ANKS6: variants seen among roughly 807,000 people sequenced by gnomAD.
ANKS6 encodes ankyrin repeat and sterile alpha motif domain containing 6, also known as ankyrin repeat and SAM domain-containing protein 6.
A neutral mutation model predicts 77.9 loss-of-function variants in ANKS6; 47 were observed. The ratio of observed to expected loss-of-function variants is 0.60; its 90% CI spans 0.48 to 0.77. ANKS6 has a LOEUF of 0.77. ANKS6 is among the 30% of genes least tolerant of loss of function. ANKS6 has a pLI of 0.00. For missense variants in ANKS6, 1,150 were observed against 1,159.1 expected, an observed-to-expected ratio of 0.99 and a Z score of 0.11; for synonymous variants, 488 against 501.7, an observed-to-expected ratio of 0.97 and a Z score of 0.37.
At chr9:98,745,939 G>T (rs1832104878) in intron 13 of ANKS6, 1 of 437,666 alleles carries the variant, frequency 2.3e-6, no homozygotes, top group South Asian at 3.0e-5. Flanking sequence ...AGAAAAATCT[G>T]GGATAGTCAT....
At chr9:98,742,091 G>A (rs543467219) in intron 14 of ANKS6, among the ~76,000 whole-genome samples, 21 of 152,258 alleles carry the variant, frequency 1.4e-4, no homozygotes, top group South Asian at 4.2e-4. Flanking sequence ...AAGACACTGC[G>A]GGCAAGGAAA....
At chr9:98,782,641 C>T in intron 4 of ANKS6, 68 bp from the exon 5 acceptor site, 2 of 1,226,058 alleles carry the variant, frequency 1.6e-6, no homozygotes, top group Non-Finnish European at 2.4e-6. Context: ...GGCAACAAAA[C>T]CAACATTAAC....
chr9:98,768,158 GGCTTGACCGAT>G lies in ANKS6; in HGVS notation c.2054_2064del (p.His685ProfsTer12), dbSNP rs587777024. ...CTGGACCCCGGTGCTGGCCCCACAG[GGCTTGACCGAT>G]GGCTGGGTTTCTGCTCCAATAATCC... On this transcript the variant is annotated frameshift_variant, in exon 11 of 15. Transcript: ENST00000353234. LOFTEE classifies it high-confidence loss of function. 6.2e-7 allele frequency: 1 copy of G among 1,614,014 alleles called. No homozygotes were observed. The highest frequency in any genetic ancestry group is 8.5e-7 in the Non-Finnish European group (1 of 1,180,026).
intron 14 of ANKS6, among the ~76,000 whole-genome samples, chr9:98,739,774 T>TTTTTTTTTTTTTTTTTGACG (rs71369574): frequency 7.7e-6 from 1 of 129,604 alleles, no homozygotes; most frequent in African/African-American, 3.1e-5. Context: ...TTTTTTTTTT[T>TTTTTTTTTTTTTTTTTGACG]GAGACGGAGT....
In ANKS6 at chr9:98,782,463, C is replaced by T; in HGVS notation, c.1219+4G>A. 6.2e-7 allele frequency: 1 copy of T among 1,613,036 alleles called. No individual in the cohort carries two copies. On this transcript the variant is annotated splice_donor_region_variant and intron_variant, in intron 5 of 14. Coordinates refer to ENST00000353234, the MANE Select transcript of ANKS6 (RefSeq NM_173551.5). Reference sequence around the variant, plus strand: ...TTTACAACCCTTTTCTTGAAATTACCTACCGGGATCATTCAGCAGCATCAC... The same window carrying T: ...TTTACAACCCTTTTCTTGAAATTACTTACCGGGATCATTCAGCAGCATCAC...
chr9:98,755,474 T>C (rs1832651224), intron 12 of ANKS6, among the ~76,000 whole-genome samples: 1 of 152,216 alleles, frequency 6.6e-6, no homozygotes, highest in South Asian at 2.1e-4. Flanking sequence ...GCAAAGCCTC[T>C]GCTCCTGCCC....
Position 98,757,191 on chromosome 9 carries a change from T to C in ANKS6, c.2143-588A>G, listed in dbSNP as rs376290493. Among the ~76,000 whole-genome samples, 17 of 152,324 alleles carry C rather than the reference T, an allele frequency of 1.1e-4. No homozygotes were observed. The East Asian group carries it at 3.3e-3, about 29-fold the overall frequency. The stretch of plus-strand genomic sequence containing the variant: ...TATTAATATCTACATCGTCACAGTA[T>C]AATGATCAAAACTAACAAGCTGACA... On this transcript the variant is annotated intron_variant, in intron 11 of 14. Coordinates refer to ENST00000353234, the MANE Select transcript of ANKS6 (RefSeq NM_173551.5).
chr9:98,739,945 C>T (rs960269201), intron 14 of ANKS6, among the ~76,000 whole-genome samples: 17 of 151,752 alleles, frequency 1.1e-4, no homozygotes, highest in South Asian at 1.0e-3. Flanking sequence ...TTAGTAGAGA[C>T]GGGGTTTCAC....
intron 1 of ANKS6, among the ~76,000 whole-genome samples, chr9:98,795,083 G>A (rs947636444): frequency 1.3e-5 from 2 of 152,074 alleles, no homozygotes; most frequent in African/African-American, 4.8e-5. Context: ...CAGATCTCTA[G>A]ATGCCATCCT....
chr9:98,793,188 C>T (rs1477942982), intron 1 of ANKS6, among the ~76,000 whole-genome samples: 1 of 152,174 alleles, frequency 6.6e-6, no homozygotes, highest in Non-Finnish European at 1.5e-5. Flanking sequence ...CACTATGCAA[C>T]CCTGTCCCTT....
intron 14 of ANKS6, among the ~76,000 whole-genome samples, chr9:98,742,725 C>T (rs1831905971): frequency 6.7e-6 from 1 of 150,262 alleles, no homozygotes; most frequent in Non-Finnish European, 1.5e-5. Flanking sequence ...ACCTGGGCCT[C>T]TTGGTTGTGA....
intron 12 of ANKS6, among the ~76,000 whole-genome samples, chr9:98,751,724 C>T (rs949352073): frequency 1.3e-5 from 2 of 152,162 alleles, no homozygotes; most frequent in African/African-American, 4.8e-5. Context: ...TTTACTCACA[C>T]ATTCAATAGG....
intron 13 of ANKS6, among the ~76,000 whole-genome samples, chr9:98,748,523 T>C (rs1307365219): frequency 6.6e-6 from 1 of 152,218 alleles, no homozygotes. Context: ...TGAGATATAA[T>C]AAAGACTGTG....
intron 7 of ANKS6, among the ~76,000 whole-genome samples, chr9:98,777,717 C>G (rs1833995665): frequency 2.0e-5 from 3 of 152,138 alleles, no homozygotes. Flanking sequence ...GACAGTGGTG[C>G]CAAAGTAGCT....
chr9:98,740,946 TA>T (rs1831795417), intron 14 of ANKS6, among the ~76,000 whole-genome samples: 1 of 152,182 alleles, frequency 6.6e-6, no homozygotes, highest in African/African-American at 2.4e-5. Flanking sequence ...GTGAAACGAA[TA>T]ACAAACTCTC....
chr9:98,757,278 T>C (rs190619395), intron 11 of ANKS6, among the ~76,000 whole-genome samples: 138 of 152,316 alleles, frequency 9.1e-4, no homozygotes, highest in Admixed American at 1.8e-3. Flanking sequence ...GTTTTGCTTA[T>C]GTCCTTATGC....
intron 2 of ANKS6, among the ~76,000 whole-genome samples, chr9:98,788,976 T>C (rs1834732333): frequency 6.6e-6 from 1 of 152,196 alleles, no homozygotes; most frequent in African/African-American, 2.4e-5. Flanking sequence ...CACCTCTCTG[T>C]CATTACAGGC....
At chr9:98,755,892 T>C (rs1832674402) in intron 12 of ANKS6, among the ~76,000 whole-genome samples, 1 of 152,150 alleles carries the variant, frequency 6.6e-6, no homozygotes, top group South Asian at 2.1e-4. Context: ...CTGCTGGAGT[T>C]GAAAAATTGG....
chr9:98,785,004 C>G (rs142306414), intron 2 of ANKS6, 128 bp from the exon 3 acceptor site: 9 of 776,202 alleles, frequency 1.2e-5, no homozygotes, highest in African/African-American at 1.0e-4. Context: ...AATTGGAGAC[C>G]TACGTAATGG....
Sources: gnomAD v4.1 joint callset for allele counts (sites outside exome capture counted in the v4.1 genomes callset) on GRCh38, gnomAD v4.1.1 for gene constraint, MANE v1.5 for transcripts, NCBI Gene and HGNC (gene_info 2026-07-23, HGNC 2026-07-21) for gene names.